Variants in ARL2BP observed in about 807,000 individuals in gnomAD.
ARL2BP encodes ARF like GTPase 2 binding protein, also known as ADP-ribosylation factor-like protein 2-binding protein.
Under a neutral mutation model 24.2 loss-of-function variants are expected in ARL2BP, and 19 were observed. The observed-to-expected ratio is 0.79, with a 90% CI of 0.55 to 1.15. The LOEUF is 1.15. Ranked by LOEUF, ARL2BP falls within the 50% of genes most tolerant of loss-of-function variation. The pLI, the probability that ARL2BP is intolerant of heterozygous loss-of-function variation, is 0.00. For missense variants in ARL2BP, 160 were observed against 190.4 expected, an observed-to-expected ratio of 0.84 and a Z score of 0.94; for synonymous variants, 56 against 70.5, an observed-to-expected ratio of 0.79 and a Z score of 1.03.
intron 5 of ARL2BP, chr16:57,251,906 A>T: frequency 2.6e-6 from 1 of 387,408 alleles, no homozygotes; most frequent in South Asian, 3.3e-5. Flanking sequence ...TCCAGGCAGC[A>T]GTTAGCTGTG....
chr16:57,249,393 A>G, intron 3 of ARL2BP: 1 of 188,148 alleles, frequency 5.3e-6, no homozygotes, highest in Non-Finnish European at 1.1e-5. Context: ...CCTGCCCAGA[A>G]GGAACCTGTG....
At position 57,250,454 on chromosome 16, in the gene ARL2BP, C is replaced by G; in HGVS notation, c.337C>G (p.Leu113Val). The G allele has an allele frequency of 6.2e-7, 1 of 1,614,194 alleles. No homozygotes were observed. The highest frequency in any genetic ancestry group is 8.5e-7 in the Non-Finnish European group (1 of 1,180,042). ...GGCTGGTGACATATTCGACATGCTG[C>G]TCACCTTCACAGATTTTCTGGCTTT... ...EVAGDIFDML[L>V]TFTDFLAFKE... Residue 113 changes from leucine to valine, a missense_variant, in exon 5 of 6, where the codon CTC becomes GTC. Transcript: ENST00000219204.
intron 2 of ARL2BP, chr16:57,247,447 G>T (rs1321650939): frequency 6.6e-6 from 1 of 152,104 alleles, no homozygotes; most frequent in Non-Finnish European, 1.5e-5. Context: ...CACTTTGGGA[G>T]GCCAGCGCAG....
chr16:57,246,113 G>A lies in ARL2BP; in HGVS notation c.72G>A (p.Val24=), dbSNP rs1297561699. Residue 24 remains valine, a synonymous_variant, in exon 2 of 6, where the codon GTG becomes GTA. Transcript: ENST00000219204. ...SSASDAEFDA[V]VGYLEDIIMD... is the part of the protein sequence containing the mutation. ...CCTCTGATGCAGAATTTGATGCTGT[G>A]GTTGGATATTTAGAGGACATTATCA... 3.7e-6 allele frequency: 6 copies of A among 1,614,134 alleles called. No individual in the cohort carries two copies. Among genetic ancestry groups the A allele is most frequent in the Non-Finnish European group, 5.1e-6 (6 of 1,180,012 alleles).
At position 57,253,611 on chromosome 16, in the gene ARL2BP, G is replaced by GT. The variant is rs1356314621; in HGVS notation, c.*1347dup. The GT allele has an allele frequency of 4.0e-5, 6 of 151,336 alleles. No individual in the cohort carries two copies. Among genetic ancestry groups the GT allele is most frequent in the Non-Finnish European group, 8.8e-5 (6 of 67,882 alleles). The allele number at this position is 151,336 out of a possible 1,614,324, so 9.4% of individuals were successfully genotyped here. ...TTGTACCATGAGTAAAACTTCAGGTGTTTCGCAAGAACCACCATTCTCAAT... is the reference window on the plus strand; with the variant it reads ...TTGTACCATGAGTAAAACTTCAGGTGTTTTCGCAAGAACCACCATTCTCAAT... On this transcript the variant is annotated 3_prime_UTR_variant, in exon 6 of 6. Coordinates refer to ENST00000219204, the MANE Select transcript of ARL2BP (RefSeq NM_012106.4).
chr16:57,247,621 A>G (rs971052181), intron 2 of ARL2BP, among the ~76,000 whole-genome samples: 1 of 152,162 alleles, frequency 6.6e-6, no homozygotes, highest in Non-Finnish European at 1.5e-5. Context: ...TTCCAATCCT[A>G]TATGATAACT....
Position 57,253,105 on chromosome 16 carries a change from A to T in ARL2BP, c.*838A>T, listed in dbSNP as rs1411204805. 6.6e-6 allele frequency: 1 copy of T among 152,660 alleles called. No individual in the cohort carries two copies. The highest frequency in any genetic ancestry group is 1.9e-4 in the East Asian group (1 of 5,202). The allele number at this position is 152,660 out of a possible 1,614,324, so 9.5% of individuals were successfully genotyped here. A position where few individuals can be genotyped will look rare whatever the true frequency, so the allele number is the denominator to read the frequency against. On this transcript the variant is annotated 3_prime_UTR_variant, in exon 6 of 6. Coordinates refer to ENST00000219204, the MANE Select transcript of ARL2BP (RefSeq NM_012106.4). ...AAAAATGCTTTCTACATTGACATTC[A>T]TTCCTATTTTACTGGGCACCTATGA... is the stretch of plus-strand genomic sequence containing the variant.
rs770859200 is a variant in ARL2BP, at chr16:57,250,518, ACTC to A, written c.390+14_390+16del. ...TTGGACTACAGAGCAGTAAGTTACT[ACTC>A]CTATTTATTTAGCCACTTTGAGCCA... On this transcript the variant is annotated intron_variant, in intron 5 of 5. Transcript: ENST00000219204. 1.2e-6 allele frequency: 2 copies of A among 1,601,924 alleles called. No individual in the cohort carries two copies. Among genetic ancestry groups the A allele is most frequent in the African/African-American group, 1.3e-5 (1 of 74,708 alleles).
At chr16:57,252,057 T>A in intron 5 of ARL2BP, 109 bp from the exon 6 acceptor site, 1 of 827,122 alleles carries the variant, frequency 1.2e-6, no homozygotes. Flanking sequence ...CCTTCCTATG[T>A]ACTCTGGAGG....
Position 57,252,169 on chromosome 16 carries a change from A to G in ARL2BP, c.394A>G (p.Lys132Glu), listed in dbSNP as rs2075410363. ...KEMFLDYRAE[K>E]EGRGLDLSSG... ...CTTTGGTTGTTTTCTCATATAGGAA[A>G]AAGAAGGCCGAGGACTGGACTTAAG... The change falls in exon 6 of 6, where the codon AAA becomes GAA. Residue 132 changes from lysine (K) to glutamate (E), a missense_variant. By Grantham distance (56) the Lys-to-Glu change is moderately conservative (BLOSUM62 1). Coordinates refer to ENST00000219204, the MANE Select transcript of ARL2BP (RefSeq NM_012106.4). 1.2e-6 allele frequency: 2 copies of G among 1,613,760 alleles called. No individual in the cohort carries two copies. The highest frequency in any genetic ancestry group is 2.7e-5 in the African/African-American group (2 of 74,894).
intron 2 of ARL2BP, 89 bp downstream of exon 2, chr16:57,246,230 A>G: frequency 7.7e-7 from 1 of 1,302,796 alleles, no homozygotes; most frequent in Non-Finnish European, 1.1e-6. Context: ...AAAAAGAGAA[A>G]ACATCAAGCT....
At chr16:57,246,254 A>C (rs1209951569) in intron 2 of ARL2BP, 113 bp downstream of exon 2, 1 of 957,774 alleles carries the variant, frequency 1.0e-6, no homozygotes, top group Non-Finnish European at 1.6e-6. Flanking sequence ...TGCAATTTTT[A>C]ATGTAGCACA....
chr16:57,250,280 AC>A, intron 4 of ARL2BP, 130 bp from the exon 5 acceptor site: 1 of 737,844 alleles, frequency 1.4e-6, no homozygotes, highest in Non-Finnish European at 2.3e-6. Flanking sequence ...ACAGAGCAAG[AC>A]CCAGTCTCTA....
Position 57,245,782 on chromosome 16 carries a change from C to G in ARL2BP, c.39-298C>G. On this transcript the variant is annotated intron_variant, in intron 1 of 5. Coordinates refer to ENST00000219204, the MANE Select transcript of ARL2BP (RefSeq NM_012106.4). ...GACCCCCCCCGGCAGGTGTTTCGCC[C>G]GTGCCGGGTTCATGCTCACAAGCAG... The G allele has an allele frequency of 5.9e-6, 3 of 505,720 alleles. No individual in the cohort carries two copies. The Admixed American group carries it at 1.1e-4, about 18-fold the overall frequency. The allele number at this position is 505,720 out of a possible 1,614,324, so 31.3% of individuals were successfully genotyped here.
chr16:57,245,463 C>A, intron 1 of ARL2BP, 58 bp downstream of exon 1: 1 of 1,581,280 alleles, frequency 6.3e-7, no homozygotes. Flanking sequence ...GGCGTTCGCC[C>A]CGGGGCCTGA....
chr16:57,249,667 A>C, intron 3 of ARL2BP, 100 bp from the exon 4 acceptor site: 1 of 910,586 alleles, frequency 1.1e-6, no homozygotes. Context: ...TGTGGCACAC[A>C]GACCTCAGGA....
intron 4 of ARL2BP, 125 bp downstream of exon 4, chr16:57,249,977 G>A: frequency 2.4e-6 from 2 of 819,336 alleles, no homozygotes; most frequent in South Asian, 3.0e-5. Context: ...AGGTCCTATG[G>A]AGGAAGCCCT....
chr16:57,252,051 C>G (rs2075409890), intron 5 of ARL2BP, 115 bp from the exon 6 acceptor site: 1 of 780,662 alleles, frequency 1.3e-6, no homozygotes, highest in Non-Finnish European at 2.1e-6. Context: ...GTGTTCCCTT[C>G]CTATGTACTC....
intron 2 of ARL2BP, chr16:57,248,132 G>T: frequency 6.6e-6 from 1 of 152,592 alleles, no homozygotes; most frequent in Non-Finnish European, 1.5e-5. Flanking sequence ...TAGCCAACAT[G>T]ATGAAACCCT....
Sources: gnomAD v4.1 joint callset for allele counts (sites outside exome capture counted in the v4.1 genomes callset) on GRCh38, gnomAD v4.1.1 for gene constraint, MANE v1.5 for transcripts, NCBI Gene and HGNC (gene_info 2026-07-23, HGNC 2026-07-21) for gene names.